The following SLC22A25 variants were observed in gnomAD, a reference collection of about 807,000 sequenced individuals.
SLC22A25 encodes the protein MGI:2442751, MGI:2385316, MGI:3042283, MGI:3645714, MGI:3605624, MGI:2442750.
In SLC22A25, 44 loss-of-function variants were observed where a neutral mutation model predicts 45.9. That is an observed-to-expected ratio of 0.96 (90% CI 0.75 to 1.23). The LOEUF is 1.23. Ranked by LOEUF, SLC22A25 falls within the 50% of genes most tolerant of loss-of-function variation. The pLI is 0.00. For missense variants in SLC22A25, 800 were observed against 666.4 expected, an observed-to-expected ratio of 1.20 and a Z score of -2.21; for synonymous variants, 283 against 238.6, an observed-to-expected ratio of 1.19 and a Z score of -1.72.
rs1225725682 is a variant in SLC22A25, at chr11:63,163,965, A to C, written c.1503T>G (p.Tyr501Ter). 2 of 1,613,854 alleles carry C rather than the reference A, an allele frequency of 1.2e-6. No individual in the cohort carries two copies. Among genetic ancestry groups the C allele is most frequent in the African/African-American group, 2.7e-5 (2 of 74,910 alleles). The change falls in exon 12 of 12, where the codon TAT becomes TAG. Residue 501 changes from tyrosine to a stop codon, truncating the protein, a stop_gained. Transcript: ENST00000306494. LOFTEE classifies it low-confidence loss of function (END_TRUNC). ...IYSRPLPWIIYGVFAILSGLV... is the reference protein window; with the variant it reads ...IYSRPLPWII ...GGCCAGAGAGGATGGCAAAGACTCC[A>C]TAGATGATCCAGGGCAGGGGTCGAG...
intron 9 of SLC22A25, among the ~76,000 whole-genome samples, chr11:63,178,130 A>G (rs186561824): frequency 3.3e-5 from 5 of 151,864 alleles, no homozygotes; most frequent in Non-Finnish European, 7.4e-5. Flanking sequence ...GACTCAAGCA[A>G]TCCATCCACC....
chr11:63,221,711 A>G (rs2089857297), intron 5 of SLC22A25, among the ~76,000 whole-genome samples: 1 of 152,102 alleles, frequency 6.6e-6, no homozygotes, highest in Non-Finnish European at 1.5e-5. Context: ...GCCCAGTCCA[A>G]TGTCCTGGAG....
intron 7 of SLC22A25, among the ~76,000 whole-genome samples, chr11:63,194,196 C>A (rs1328565572): frequency 2.0e-5 from 3 of 152,022 alleles, no homozygotes; most frequent in African/African-American, 7.2e-5. Context: ...GATTGATGTA[C>A]CTGAAAGTGA....
intron 5 of SLC22A25, among the ~76,000 whole-genome samples, chr11:63,227,346 T>C: frequency 6.6e-6 from 1 of 152,012 alleles, no homozygotes; most frequent in Non-Finnish European, 1.5e-5. Flanking sequence ...CCAAGGGATA[T>C]TTAGTTAGCA....
intron 7 of SLC22A25, among the ~76,000 whole-genome samples, chr11:63,203,353 C>A (rs1343038461): frequency 6.6e-6 from 1 of 151,940 alleles, no homozygotes; most frequent in Non-Finnish European, 1.5e-5. Context: ...TAATAACAAT[C>A]TCCTCTGAGC....
intron 1 of SLC22A25, among the ~76,000 whole-genome samples, chr11:63,240,115 A>G (rs898743015): frequency 6.6e-6 from 1 of 152,190 alleles, no homozygotes; most frequent in Non-Finnish European, 1.5e-5. Flanking sequence ...TACTTCACTG[A>G]ATACTGTAGG....
intron 5 of SLC22A25, chr11:63,219,898 T>C (rs2089811341): frequency 7.8e-7 from 1 of 1,285,818 alleles, no homozygotes; most frequent in Admixed American, 2.3e-5. Context: ...GTGTTACTTT[T>C]ACTGTCATAC....
At position 63,161,452 on chromosome 11, in the gene SLC22A25, A is replaced by T. The variant is rs2087532203; in HGVS notation, c.*2372T>A. ...ATGGTTTGACTGTGTCCGCCTACCC[A>T]ATCTCATCTTGAATTGTAGCTCCCA... On this transcript the variant is annotated 3_prime_UTR_variant, in exon 12 of 12. Coordinates refer to ENST00000306494, the MANE Select transcript of SLC22A25 (RefSeq NM_199352.6). Among the ~76,000 whole-genome samples the T allele has an allele frequency of 6.6e-6, 1 of 152,148 alleles. No individual in the cohort carries two copies. Among genetic ancestry groups the T allele is most frequent in the South Asian group, 2.1e-4 (1 of 4,820 alleles).
chr11:63,232,427 C>T (rs944874313), intron 3 of SLC22A25, among the ~76,000 whole-genome samples: 4 of 152,060 alleles, frequency 2.6e-5, no homozygotes, highest in Admixed American at 2.6e-4. Context: ...TGATTCGGCT[C>T]TCTGTTTGTC....
chr11:63,242,707 C>A (rs901873972), intron 1 of SLC22A25, among the ~76,000 whole-genome samples: 1 of 152,206 alleles, frequency 6.6e-6, no homozygotes, highest in African/African-American at 2.4e-5. Context: ...ATCCTTCAAT[C>A]TGATCAAGTT....
Position 63,168,544 on chromosome 11 carries a change from A to T in SLC22A25, c.1071-2286T>A, listed in dbSNP as rs184173935. 1.9e-3 allele frequency among the ~76,000 whole-genome samples: 285 copies of T among 152,262 alleles called. 1 individual carries two copies. Among genetic ancestry groups the T allele is most frequent in the Non-Finnish European group, 3.2e-3 (219 of 68,004 alleles). ...ATACACAAGTATCAATAGCTGAATC[A>T]ATCAAGTGGAAAAAAGGATATGAGA... On this transcript the variant is annotated intron_variant, in intron 9 of 11. Coordinates refer to ENST00000306494, the MANE Select transcript of SLC22A25 (RefSeq NM_199352.6).
At chr11:63,190,131 G>T (rs2088743865) in intron 7 of SLC22A25, among the ~76,000 whole-genome samples, 1 of 152,220 alleles carries the variant, frequency 6.6e-6, no homozygotes, top group South Asian at 2.1e-4. Context: ...ATAATATCCT[G>T]CAGAGTGTTT....
chr11:63,198,520 T>C (rs1324100157), intron 7 of SLC22A25, among the ~76,000 whole-genome samples: 1 of 151,916 alleles, frequency 6.6e-6, no homozygotes, highest in Non-Finnish European at 1.5e-5. Context: ...AATCGAACAA[T>C]GAGAACACTT....
Position 63,161,076 on chromosome 11 carries a change from C to G in SLC22A25, c.*2748G>C, listed in dbSNP as rs939397699. Among the ~76,000 whole-genome samples, 1 of 152,216 alleles carries G rather than the reference C, an allele frequency of 6.6e-6. No homozygotes were observed. Among genetic ancestry groups the G allele is most frequent in the Non-Finnish European group, 1.5e-5 (1 of 68,044 alleles). On this transcript the variant is annotated 3_prime_UTR_variant, in exon 12 of 12. Coordinates refer to ENST00000306494, the MANE Select transcript of SLC22A25 (RefSeq NM_199352.6). Reference sequence around the variant, plus strand: ...GAAAAAAGGTTTAATGGACTCACAGCTCCATGTGGCTGGTGAGGCCTCACA... The same window carrying G: ...GAAAAAAGGTTTAATGGACTCACAGGTCCATGTGGCTGGTGAGGCCTCACA...
chr11:63,179,302 G>T (rs900314140), intron 9 of SLC22A25, among the ~76,000 whole-genome samples: 2 of 151,856 alleles, frequency 1.3e-5, no homozygotes, highest in South Asian at 2.1e-4. Flanking sequence ...GATTTATTTT[G>T]TTCCCTTTTG....
At chr11:63,185,163 G>T (rs10736725) in intron 7 of SLC22A25, among the ~76,000 whole-genome samples, 150,349 of 152,254 alleles carry the variant, frequency 0.99, 74,273 homozygotes, top group Middle Eastern at 1. Context: ...ATACTTTAAG[G>T]TTTAGGGTAC....
In SLC22A25 at chr11:63,217,361, G is replaced by T; in HGVS notation, c.783C>A (p.Leu261=). ...AGCATGGTGCAGACATCACCAACTG[G>T]AGGATGCACTGGTCTCGAATGACAA... is the stretch of plus-strand genomic sequence containing the variant. ...LAFVIRDQCI[L]QLVMSAPCFV... Residue 261 remains leucine, a synonymous_variant, in exon 7 of 12, where the codon CTC becomes CTA. Coordinates refer to ENST00000306494, the MANE Select transcript of SLC22A25 (RefSeq NM_199352.6). 1 of 1,613,982 alleles carries T rather than the reference G, an allele frequency of 6.2e-7. No homozygotes were observed. The highest frequency in any genetic ancestry group is 8.5e-7 in the Non-Finnish European group (1 of 1,179,978).
In SLC22A25 at chr11:63,215,045, C is replaced by A. The variant is rs192312003; in HGVS notation, c.830+2269G>T. On this transcript the variant is annotated intron_variant, in intron 7 of 11. Coordinates refer to ENST00000306494, the MANE Select transcript of SLC22A25 (RefSeq NM_199352.6). ...GTGGTGATTCTTCAAAGATCTAGAA[C>A]CAGAAATAACATTTGACCCAGCAAT... is the stretch of plus-strand genomic sequence containing the variant. 6.2e-4 allele frequency among the ~76,000 whole-genome samples: 95 copies of A among 152,188 alleles called. No homozygotes were observed. The East Asian group carries it at 0.017, about 28-fold the overall frequency.
At chr11:63,173,914 T>A (rs904869846) in intron 9 of SLC22A25, among the ~76,000 whole-genome samples, 8 of 150,352 alleles carry the variant, frequency 5.3e-5, no homozygotes, top group Non-Finnish European at 1.0e-4. Context: ...TTTTTTTTTT[T>A]ATTACATTTT....
Sources: allele counts gnomAD v4.1 joint callset (sites outside exome capture counted in the v4.1 genomes callset), GRCh38; gene constraint gnomAD v4.1.1; transcripts MANE v1.5; gene names NCBI Gene and HGNC (gene_info 2026-07-23, HGNC 2026-07-21).